Variants in PKNOX1 observed in about 807,000 individuals in gnomAD.
PKNOX1 encodes homeobox protein PKNOX1.
A neutral mutation model predicts 51.9 loss-of-function variants in PKNOX1; 15 were observed. The observed-to-expected ratio is 0.29, with a 90% CI of 0.19 to 0.45. The LOEUF is 0.45. PKNOX1 is among the 20% of genes least tolerant of loss of function. The pLI, the probability that PKNOX1 is intolerant of heterozygous loss-of-function variation, is 1.00. For missense variants in PKNOX1, 462 were observed against 547.5 expected (o/e 0.84, Z 1.56); for synonymous variants, 219 against 211.1 (o/e 1.04, Z -0.32).
At chr21:43,014,231 C>G (rs1979385344) in intron 5 of PKNOX1, among the ~76,000 whole-genome samples, 1 of 152,080 alleles carries the variant, frequency 6.6e-6, no homozygotes, top group Non-Finnish European at 1.5e-5. Context: ...CCGTATTAGC[C>G]AGGATGGTCT....
At chr21:43,027,072 TA>T (rs1478719199) in intron 9 of PKNOX1, among the ~76,000 whole-genome samples, 1 of 152,202 alleles carries the variant, frequency 6.6e-6, no homozygotes, top group Admixed American at 6.5e-5. Flanking sequence ...AATCTGAGTC[TA>T]AAAGTAATGC....
rs368607329 is a variant in PKNOX1 at position 43,021,569 on chromosome 21, TA to T, written c.849+140del. On this transcript the variant is annotated intron_variant, in intron 8 of 10. Coordinates refer to ENST00000291547, the MANE Select transcript of PKNOX1 (RefSeq NM_004571.5). The surrounding 1 kb of genome is among the most constrained non-coding windows in gnomAD (Gnocchi z 4.6). ...CTTTCAGGACTTTGTGGCATGTCCA[TA>T]ATGTGGGGAGCGTGGGGCACTGCTG... 1.1e-5 allele frequency: 12 copies of T among 1,056,846 alleles called. No homozygotes were observed. The African/African-American group carries it at 1.6e-4, about 14-fold the overall frequency. 65.5% of individuals were successfully genotyped at this position (1,056,846 alleles called of 1,614,324 possible).
intron 1 of PKNOX1, among the ~76,000 whole-genome samples, chr21:42,979,201 A>G (rs1008373229): frequency 6.6e-6 from 1 of 152,226 alleles, no homozygotes; most frequent in Non-Finnish European, 1.5e-5. Flanking sequence ...TACCCATATG[A>G]ATCACTGTTC....
Position 43,010,134 on chromosome 21 carries a change from C to A in PKNOX1, c.261C>A (p.Ala87=). ...STQGSEGTTS[A]SFDVDIENFV... is the part of the protein sequence containing the mutation. ...AGGGCTCTGAAGGCACAACTTCTGCCAGTTTTGATGTAGACATCGAAAATT... is the reference window on the plus strand; with the variant it reads ...AGGGCTCTGAAGGCACAACTTCTGCAAGTTTTGATGTAGACATCGAAAATT... Residue 87 remains alanine, a synonymous_variant, in exon 4 of 11, where the codon GCC becomes GCA. Transcript: ENST00000291547. 1.9e-6 allele frequency: 3 copies of A among 1,605,830 alleles called. No individual in the cohort carries two copies. Among genetic ancestry groups the A allele is most frequent in the Non-Finnish European group, 2.6e-6 (3 of 1,175,146 alleles).
chr21:42,995,386 A>G (rs548159990), intron 1 of PKNOX1, among the ~76,000 whole-genome samples: 1 of 152,212 alleles, frequency 6.6e-6, no homozygotes, highest in South Asian at 2.1e-4. Context: ...TGTAATTAAT[A>G]AGTGTCTTGA....
chr21:42,999,214 G>A (rs1601283123), intron 1 of PKNOX1, among the ~76,000 whole-genome samples: 1 of 152,220 alleles, frequency 6.6e-6, no homozygotes, highest in East Asian at 1.9e-4. Flanking sequence ...GTTCTGCATT[G>A]GCCCTTTTCA....
At chr21:42,997,438 AAAATT>A (rs1195972110) in intron 1 of PKNOX1, among the ~76,000 whole-genome samples, 22 of 152,372 alleles carry the variant, frequency 1.4e-4, no homozygotes, top group Admixed American at 1.4e-3. Flanking sequence ...CCAAACAAAA[AAAATT>A]AAAATTGCCT....
At position 43,009,630 on chromosome 21, in the gene PKNOX1, A is replaced by AG. The variant is rs71195906; in HGVS notation, c.180-421dup. 2.1e-3 allele frequency among the ~76,000 whole-genome samples: 322 copies of AG among 150,098 alleles called. 1 individual carries two copies. The highest frequency in any genetic ancestry group is 7.6e-3 in the African/African-American group (311 of 40,948). On this transcript the variant is annotated intron_variant, in intron 3 of 10. Coordinates refer to ENST00000291547, the MANE Select transcript of PKNOX1 (RefSeq NM_004571.5). ...CATCTCAAAAAAAAAAAAAAAAAAAAGGAATAAAGTACTGATACCCGTAAA... is the reference window on the plus strand; with the variant it reads ...CATCTCAAAAAAAAAAAAAAAAAAAAGGGAATAAAGTACTGATACCCGTAAA...
intron 6 of PKNOX1, 183 bp from the exon 7 acceptor site, chr21:43,017,950 C>G (rs1429536002): frequency 3.7e-6 from 2 of 544,014 alleles, no homozygotes; most frequent in Non-Finnish European, 6.4e-6. Context: ...TGCCTCACAT[C>G]TGTAATTCCA....
At chr21:43,018,765 G>A (rs373612165) in intron 7 of PKNOX1, among the ~76,000 whole-genome samples, 8 of 151,972 alleles carry the variant, frequency 5.3e-5, no homozygotes, top group Non-Finnish European at 8.8e-5. Context: ...AGCCTTGCCC[G>A]TCTTTGGTGT....
chr21:42,986,431 G>T (rs1027364198), intron 1 of PKNOX1, among the ~76,000 whole-genome samples: 8 of 152,146 alleles, frequency 5.3e-5, no homozygotes, highest in African/African-American at 1.9e-4. Flanking sequence ...AACCTGGGTG[G>T]TGAAGATTGC....
At chr21:43,009,610 C>CA (rs1202062070) in intron 3 of PKNOX1, among the ~76,000 whole-genome samples, 16,131 of 76,050 alleles carry the variant, frequency 0.21, 2,425 homozygotes, top group Non-Finnish European at 0.25. Context: ...GACTCCATCT[C>CA]AAAAAAAAAA....
In PKNOX1 at chr21:43,004,327, C is replaced by A; in HGVS notation, c.-55C>A. The A allele has an allele frequency of 8.6e-7, 1 of 1,161,676 alleles. No homozygotes were observed. The highest frequency in any genetic ancestry group is 1.3e-6 in the Non-Finnish European group (1 of 768,134). The allele number at this position is 1,161,676 out of a possible 1,614,324, so 72.0% of individuals were successfully genotyped here. ...TGCTTTTCTGGTTTTGTTCTCCAGA[C>A]ACCATTCGCTTTTCACCCAAGATGA... On this transcript the variant is annotated splice_region_variant and 5_prime_UTR_variant, in exon 2 of 11. Transcript: ENST00000291547.
chr21:43,013,306 C>A, intron 5 of PKNOX1, 68 bp downstream of exon 5: 1 of 1,168,060 alleles, frequency 8.6e-7, no homozygotes, highest in Non-Finnish European at 1.2e-6. Flanking sequence ...GTCATGAGAC[C>A]ACCAGCTCTT....
chr21:43,028,619 G>C, intron 9 of PKNOX1, 83 bp from the exon 10 acceptor site: 1 of 1,276,440 alleles, frequency 7.8e-7, no homozygotes, highest in Non-Finnish European at 1.1e-6. Context: ...GTAGAGCAGC[G>C]TGTTTGTTAG....
At chr21:42,985,204 C>T (rs1332299103) in intron 1 of PKNOX1, among the ~76,000 whole-genome samples, 1 of 152,020 alleles carries the variant, frequency 6.6e-6, no homozygotes, top group African/African-American at 2.4e-5. Flanking sequence ...CCAGGCTGAT[C>T]TCGAACTCCT....
intron 3 of PKNOX1, among the ~76,000 whole-genome samples, chr21:43,009,610 C>CAAA (rs1202062070): frequency 0.058 from 4,412 of 75,430 alleles, 325 homozygotes; most frequent in Admixed American, 0.069. Context: ...GACTCCATCT[C>CAAA]AAAAAAAAAA....
Position 43,019,383 on chromosome 21 carries a change from C to A in PKNOX1, c.720+1153C>A, listed in dbSNP as rs1012330601. On this transcript the variant is annotated intron_variant, in intron 7 of 10. Transcript: ENST00000291547. ...TCCAGCCTGGGCAACAAGAGCAAAA[C>A]TCCATCTCAAATAAAATAAAATAAA... Among the ~76,000 whole-genome samples the A allele has an allele frequency of 3.4e-4, 49 of 144,100 alleles. 1 individual carries two copies. Among genetic ancestry groups the A allele is most frequent in the African/African-American group, 1.2e-3 (48 of 38,694 alleles). 94.5% of individuals were successfully genotyped at this position (144,100 alleles called of 152,430 possible).
chr21:42,987,398 A>ATATATATATAT (rs1555858083), intron 1 of PKNOX1, among the ~76,000 whole-genome samples: 13 of 91,818 alleles, frequency 1.4e-4, no homozygotes, highest in African/African-American at 6.4e-4. Flanking sequence ...AAAAAAAAAA[A>ATATATATATAT]AAAAAAATAT....
Sources: gnomAD v4.1 joint callset for allele counts (sites outside exome capture counted in the v4.1 genomes callset) on GRCh38, gnomAD v4.1.1 for gene constraint, Gnocchi (gnomAD v3.1) non-coding constraint, MANE v1.5 for transcripts, NCBI Gene and HGNC (gene_info 2026-07-23, HGNC 2026-07-21) for gene names.